TAOK1: variants seen among roughly 807,000 people sequenced by gnomAD.
TAOK1 encodes the protein serine/threonine-protein kinase TAO1.
TAOK1 carries 21 observed loss-of-function variants against 138.3 expected under a neutral mutation model. That is an observed-to-expected ratio of 0.15 (90% CI 0.11 to 0.22). TAOK1 has a LOEUF of 0.22. Among genes scored for constraint, TAOK1 ranks in the 10% least tolerant of loss-of-function variants. The pLI is 1.00. For missense variants in TAOK1, 651 were observed against 1,227.7 expected (o/e 0.53, Z 7.02); for synonymous variants, 361 against 398.4 (o/e 0.91, Z 1.12).
intron 5 of TAOK1, 81 bp downstream of exon 5, chr17:29,477,787 C>G: frequency 2.3e-6 from 2 of 871,552 alleles, no homozygotes; most frequent in Non-Finnish European, 3.1e-6. Flanking sequence ...GATATTAATA[C>G]CAAATAATGT....
rs564179102 is a variant in TAOK1, at chr17:29,521,041, T to C, written c.1909-1239T>C. On this transcript the variant is annotated intron_variant, in intron 16 of 19. Transcript: ENST00000261716. ...ACTCAGTCTCAAAAAAAAAAAAATC[T>C]TTTATGTACTGATCTGATCCGGATA... Among the ~76,000 whole-genome samples, 11 of 152,118 alleles carry C rather than the reference T, an allele frequency of 7.2e-5. No individual in the cohort carries two copies. The East Asian group carries it at 2.1e-3, about 30-fold the overall frequency.
At chr17:29,501,603 C>G (rs1327718379) in intron 12 of TAOK1, among the ~76,000 whole-genome samples, 2 of 152,108 alleles carry the variant, frequency 1.3e-5, no homozygotes, top group African/African-American at 4.8e-5. Flanking sequence ...TCCATTGCTT[C>G]CAAAACCCAA....
intron 8 of TAOK1, among the ~76,000 whole-genome samples, chr17:29,486,582 G>A (rs532159129): frequency 7.2e-5 from 11 of 152,060 alleles, no homozygotes; most frequent in East Asian, 3.9e-4. Flanking sequence ...GCAGTGAGCC[G>A]AGATCGTGCC....
chr17:29,418,624 A>C (rs1905328835), intron 1 of TAOK1, among the ~76,000 whole-genome samples: 1 of 152,166 alleles, frequency 6.6e-6, no homozygotes, highest in Non-Finnish European at 1.5e-5. Context: ...TTTGCATATA[A>C]CCTACATACA....
intron 10 of TAOK1, among the ~76,000 whole-genome samples, chr17:29,495,094 T>C (rs944446073): frequency 6.6e-6 from 1 of 152,308 alleles, no homozygotes; most frequent in East Asian, 1.9e-4. Context: ...TCTGTGTTAG[T>C]ATTTTATAAA....
Position 29,550,445 on chromosome 17 carries a change from T to C in TAOK1, c.*7423T>C, listed in dbSNP as rs1394042033. On this transcript the variant is annotated 3_prime_UTR_variant, in exon 20 of 20. Transcript: ENST00000261716. ...AACTTAAGACAACCATTTAAAATAA[T>C]GGATGGGTTACTATGAGCAATTTCG... 1 of 152,222 alleles carries C rather than the reference T, an allele frequency of 6.6e-6. No homozygotes were observed. Among genetic ancestry groups the C allele is most frequent in the Non-Finnish European group, 1.5e-5 (1 of 68,032 alleles). 9.4% of individuals were successfully genotyped at this position (152,222 alleles called of 1,614,324 possible).
Position 29,477,724 on chromosome 17 carries a change from A to AT in TAOK1, c.352+24dup. ...ACTAGAAGGTAAGTTCCCTTTGATT[A>AT]TTTTTTAAAAAGTATTCACAGAATA... On this transcript the variant is annotated intron_variant, in intron 5 of 19. Transcript: ENST00000261716. The AT allele has an allele frequency of 7.3e-7, 1 of 1,365,458 alleles. No individual in the cohort carries two copies. Among genetic ancestry groups the AT allele is most frequent in the Non-Finnish European group, 9.7e-7 (1 of 1,033,892 alleles). 84.6% of individuals were successfully genotyped at this position (1,365,458 alleles called of 1,614,324 possible).
rs563518185 is a variant in TAOK1, at chr17:29,439,349, C to T, written c.-94-12106C>T. ...TCCTGAGTAGCTGGGATTACAGGTG[C>T]GCGCCACCATGCCTGGCTAATTTTT... On this transcript the variant is annotated intron_variant, in intron 1 of 19. Coordinates refer to ENST00000261716, the MANE Select transcript of TAOK1 (RefSeq NM_020791.4). Among the ~76,000 whole-genome samples the T allele has an allele frequency of 5.3e-5, 8 of 151,844 alleles. No individual in the cohort carries two copies. In the South Asian group the frequency reaches 8.3e-4, roughly 16 times the overall value.
rs1010287096 is a variant in TAOK1, at chr17:29,457,097, T to C, written c.132+5417T>C. Among the ~76,000 whole-genome samples, 15 of 89,758 alleles carry C rather than the reference T, an allele frequency of 1.7e-4. 1 individual carries two copies. The highest frequency in any genetic ancestry group is 4.6e-4 in the African/African-American group (11 of 23,798). The allele number at this position is 89,758 out of a possible 152,430, so 58.9% of individuals were successfully genotyped here. A position where few individuals can be genotyped will look rare whatever the true frequency, so the allele number is the denominator to read the frequency against. On this transcript the variant is annotated intron_variant, in intron 2 of 19. Coordinates refer to ENST00000261716, the MANE Select transcript of TAOK1 (RefSeq NM_020791.4). ...TCTCTTTTTTTCTTTTTCTTTTTTT[T>C]TTTTTTTTTTTTTTGAGACAGAGTC...
rs1007383018 is a variant in TAOK1, at chr17:29,487,195, A to G, written c.656-2469A>G. On this transcript the variant is annotated intron_variant, in intron 8 of 19. Coordinates refer to ENST00000261716, the MANE Select transcript of TAOK1 (RefSeq NM_020791.4). ...TGGGAGGCACAGGTTGCAGTGAGCCAAGATTGTGCCATTGCACTCCAGCCT... is the reference window on the plus strand; with the variant it reads ...TGGGAGGCACAGGTTGCAGTGAGCCGAGATTGTGCCATTGCACTCCAGCCT... 1.3e-4 allele frequency among the ~76,000 whole-genome samples: 19 copies of G among 141,902 alleles called. 1 individual carries two copies. In the Admixed American group the frequency reaches 1.4e-3, roughly 10 times the overall value. The allele number at this position is 141,902 out of a possible 152,430, so 93.1% of individuals were successfully genotyped here.
At position 29,432,413 on chromosome 17, in the gene TAOK1, G is replaced by A. The variant is rs553525408; in HGVS notation, c.-94-19042G>A. ...TTTCGGTAAACCCACAACCTTCGGC[G>A]TGGGCATCATGGCCATCACAAACAT... On this transcript the variant is annotated intron_variant, in intron 1 of 19. Coordinates refer to ENST00000261716, the MANE Select transcript of TAOK1 (RefSeq NM_020791.4). Among the ~76,000 whole-genome samples, 5 of 152,306 alleles carry A rather than the reference G, an allele frequency of 3.3e-5. No homozygotes were observed. In the South Asian group the frequency reaches 1.0e-3, roughly 32 times the overall value.
chr17:29,502,337 G>A (rs548333045), intron 12 of TAOK1, among the ~76,000 whole-genome samples: 1 of 152,276 alleles, frequency 6.6e-6, no homozygotes, highest in Admixed American at 6.5e-5. Context: ...GTCTGAGGTA[G>A]GCAGATCGTT....
intron 8 of TAOK1, among the ~76,000 whole-genome samples, chr17:29,489,047 T>C (rs1247041394): frequency 6.6e-6 from 1 of 152,232 alleles, no homozygotes; most frequent in Admixed American, 6.5e-5. Context: ...AGTTTGAATG[T>C]AGTGTAGTCT....
At chr17:29,471,476 ATCAT>A in intron 3 of TAOK1, among the ~76,000 whole-genome samples, 16 of 151,496 alleles carry the variant, frequency 1.1e-4, no homozygotes, top group African/African-American at 3.9e-4. Flanking sequence ...ACGGGGTTTC[ATCAT>A]CTTGGCCAGG....
chr17:29,542,538 A>G, intron 19 of TAOK1, 23 bp from the exon 20 acceptor site: 2 of 1,537,528 alleles, frequency 1.3e-6, no homozygotes, highest in Non-Finnish European at 1.7e-6. Flanking sequence ...ATTGGCTTTC[A>G]TTTTTCTTCC....
Position 29,498,370 on chromosome 17 carries a change from A to T in TAOK1, c.1052A>T (p.Asn351Ile). ...GGAACAGTTAATAGTGTTGGAAGTA[A>T]TCAATCCATTCCCAGCATGTCCATC... ...RTGTVNSVGSNQSIPSMSISA... is the reference protein window; with the variant it reads ...RTGTVNSVGSIQSIPSMSISA... The change falls in exon 12 of 20, where the codon AAT (asparagine) becomes ATT (isoleucine). Residue 351 changes from asparagine (N) to isoleucine (I), a missense_variant. Asn to Ile is a moderately radical substitution (Grantham distance 149, BLOSUM62 -3). Transcript: ENST00000261716. 7 of 1,614,202 alleles carry T rather than the reference A, an allele frequency of 4.3e-6. No individual in the cohort carries two copies. Among genetic ancestry groups the T allele is most frequent in the Non-Finnish European group, 5.1e-6 (6 of 1,180,032 alleles).
chr17:29,391,960 T>C (rs573222891), intron 1 of TAOK1, among the ~76,000 whole-genome samples: 1 of 152,358 alleles, frequency 6.6e-6, no homozygotes, highest in South Asian at 2.1e-4. Flanking sequence ...CTCACGCCTG[T>C]AATCCCAGCA....
intron 3 of TAOK1, among the ~76,000 whole-genome samples, chr17:29,471,149 C>T (rs191999523): frequency 8.7e-6 from 1 of 115,036 alleles, no homozygotes; most frequent in African/African-American, 3.5e-5. Context: ...CAACACAAGA[C>T]TTCATCTAAA....
intron 6 of TAOK1, among the ~76,000 whole-genome samples, chr17:29,478,980 C>T (rs138548999): frequency 0.011 from 1,605 of 152,174 alleles, 13 homozygotes; most frequent in South Asian, 0.034. Flanking sequence ...TGAAAATTAG[C>T]TGGGCTTTGT....
Sources: gnomAD v4.1 joint callset for allele counts (sites outside exome capture counted in the v4.1 genomes callset) on GRCh38, gnomAD v4.1.1 for gene constraint, MANE v1.5 for transcripts, NCBI Gene and HGNC (gene_info 2026-07-23, HGNC 2026-07-21) for gene names.